The following PPP4R3A variants were observed in gnomAD, a reference collection of about 807,000 sequenced individuals.
The protein encoded by PPP4R3A is protein phosphatase 4 regulatory subunit 3A.
Under a neutral mutation model 91.7 loss-of-function variants are expected in PPP4R3A, and 15 were observed. The ratio of observed to expected loss-of-function variants is 0.16; its 90% CI spans 0.11 to 0.25. The LOEUF is 0.25. Ranked by LOEUF, PPP4R3A falls within the 10% of genes least tolerant of loss-of-function variation. The pLI, the probability that PPP4R3A is intolerant of heterozygous loss-of-function variation, is 1.00. For missense variants in PPP4R3A, 623 were observed against 998.4 expected, an observed-to-expected ratio of 0.62 and a Z score of 5.07; for synonymous variants, 377 against 348.7, an observed-to-expected ratio of 1.08 and a Z score of -0.91.
At chr14:91,500,802 A>G (rs1346449660) in intron 1 of PPP4R3A, among the ~76,000 whole-genome samples, 3 of 152,166 alleles carry the variant, frequency 2.0e-5, no homozygotes, top group African/African-American at 7.2e-5. Flanking sequence ...TGGGTGGATC[A>G]CTGGAGGCCA....
chr14:91,468,963 C>A (rs1338366499), intron 10 of PPP4R3A, among the ~76,000 whole-genome samples: 1 of 151,982 alleles, frequency 6.6e-6, no homozygotes, highest in South Asian at 2.1e-4. Flanking sequence ...TGAACTGATT[C>A]CATTGATGGC....
rs906392775 is a variant in PPP4R3A at position 91,510,037 on chromosome 14, GGCCGCCGCC to G, written c.-399_-391del. 63 of 769,622 alleles carry G rather than the reference GGCCGCCGCC, an allele frequency of 8.2e-5. 1 individual carries two copies. In the East Asian group the frequency reaches 2.2e-3, roughly 26 times the overall value. The allele number at this position is 769,622 out of a possible 1,614,324, so 47.7% of individuals were successfully genotyped here. Reference sequence around the variant, plus strand: ...TTCCCGCGCCGCCGCCGCCTCCTCAGGCCGCCGCCGCCGCCGCCATATTTTCCTTCCTTA... The same window carrying G: ...TTCCCGCGCCGCCGCCGCCTCCTCAGGCCGCCGCCATATTTTCCTTCCTTA... On this transcript the variant is annotated 5_prime_UTR_variant, in exon 1 of 15. Coordinates refer to ENST00000554943, the MANE Select transcript of PPP4R3A (RefSeq NM_001366432.2).
chr14:91,458,550 T>G lies in PPP4R3A; in HGVS notation c.*209A>C, dbSNP rs756493672. ...CAATGTGTGGTCCAAGCTGGAGAGC[T>G]CAAAGGCTTAAGTCTTTCCCCTAAA... is the stretch of plus-strand genomic sequence containing the variant. On this transcript the variant is annotated 3_prime_UTR_variant, in exon 15 of 15. Coordinates refer to ENST00000554943, the MANE Select transcript of PPP4R3A (RefSeq NM_001366432.2). The G allele has an allele frequency of 2.0e-5, 14 of 714,432 alleles. No homozygotes were observed. Among genetic ancestry groups the G allele is most frequent in the Non-Finnish European group, 2.7e-5 (11 of 408,932 alleles). The allele number at this position is 714,432 out of a possible 1,614,324, so 44.3% of individuals were successfully genotyped here. A position where few individuals can be genotyped will look rare whatever the true frequency, so the allele number is the denominator to read the frequency against.
intron 1 of PPP4R3A, among the ~76,000 whole-genome samples, chr14:91,501,001 C>T (rs572359830): frequency 6.6e-6 from 1 of 152,264 alleles, no homozygotes; most frequent in Admixed American, 6.5e-5. Context: ...CACTGCGCTC[C>T]AGCCTGGGTG....
At chr14:91,485,754 G>A (rs1889840118) in intron 2 of PPP4R3A, 24 bp from the exon 3 acceptor site, 6 of 1,503,648 alleles carry the variant, frequency 4.0e-6, no homozygotes, top group Middle Eastern at 3.4e-4. Flanking sequence ...AAAGGAGTCT[G>A]AATGATTAAC....
At chr14:91,500,930 G>C (rs1212032883) in intron 1 of PPP4R3A, among the ~76,000 whole-genome samples, 3 of 152,130 alleles carry the variant, frequency 2.0e-5, no homozygotes, top group African/African-American at 7.2e-5. Context: ...TACTTGGGAA[G>C]CTGAGGCAGG....
intron 1 of PPP4R3A, among the ~76,000 whole-genome samples, chr14:91,492,518 A>C (rs2025066): frequency 0.88 from 133,535 of 152,272 alleles, 58,801 homozygotes; most frequent in East Asian, 0.96. Context: ...TAACCAAGTT[A>C]TGATAACTCA....
intron 1 of PPP4R3A, among the ~76,000 whole-genome samples, chr14:91,502,365 G>A (rs1240177786): frequency 2.0e-5 from 3 of 152,160 alleles, no homozygotes; most frequent in Non-Finnish European, 4.4e-5. Flanking sequence ...GTTTGAGGCT[G>A]CAGTGAGCTA....
intron 11 of PPP4R3A, among the ~76,000 whole-genome samples, 154 bp from the exon 12 acceptor site, chr14:91,463,031 G>A (rs993825969): frequency 3.3e-5 from 5 of 151,498 alleles, no homozygotes; most frequent in East Asian, 1.9e-4. Context: ...TGGGAATAAC[G>A]TACACTGGCT....
chr14:91,463,461 T>C (rs1318634975), intron 11 of PPP4R3A, among the ~76,000 whole-genome samples: 1 of 152,000 alleles, frequency 6.6e-6, no homozygotes, highest in Non-Finnish European at 1.5e-5. Context: ...AGAGATGGGG[T>C]CTCGTTCTGG....
intron 10 of PPP4R3A, among the ~76,000 whole-genome samples, chr14:91,468,852 A>G (rs1480432193): frequency 1.3e-5 from 2 of 151,846 alleles, no homozygotes; most frequent in Non-Finnish European, 2.9e-5. Context: ...CATCTGCCTC[A>G]TTAAATTATA....
intron 14 of PPP4R3A, among the ~76,000 whole-genome samples, chr14:91,459,167 C>T (rs942177180): frequency 1.1e-4 from 16 of 151,930 alleles, no homozygotes; most frequent in African/African-American, 2.9e-4. Context: ...TGCAGTGGTG[C>T]GATCTCGGCT....
intron 4 of PPP4R3A, among the ~76,000 whole-genome samples, chr14:91,479,516 C>CT (rs771387764): frequency 2.8e-4 from 42 of 150,972 alleles, no homozygotes; most frequent in Non-Finnish European, 4.3e-4. Context: ...TATAGGCATG[C>CT]ATCACCATAC....
rs576585322 is a variant in PPP4R3A, at chr14:91,462,943, T to C, written c.1831-66A>G. The C allele has an allele frequency of 6.4e-6, 4 of 625,586 alleles. No individual in the cohort carries two copies. The East Asian group carries it at 1.2e-4, about 18-fold the overall frequency. 38.8% of individuals were successfully genotyped at this position (625,586 alleles called of 1,614,324 possible). ...TCATTTTAGCAAGATGAGGCTTAAT[T>C]TAATCAATTCATACCCACCAAAAAT... On this transcript the variant is annotated intron_variant, in intron 11 of 14. Transcript: ENST00000554943.
chr14:91,465,292 C>A lies in PPP4R3A; in HGVS notation c.1788G>T (p.Leu596=). 6.3e-7 allele frequency: 1 copy of A among 1,599,606 alleles called. No individual in the cohort carries two copies. The highest frequency in any genetic ancestry group is 1.1e-5 in the South Asian group (1 of 87,780). Residue 596 remains leucine (L), a synonymous_variant, in exon 11 of 15, where the codon CTG becomes CTT. Transcript: ENST00000554943. Reference sequence around the variant, plus strand: ...ACATCTCTATTATGGCAGAGTTCATCAGATTGTAGCGGGATCCATTGTTGA... The same window carrying A: ...ACATCTCTATTATGGCAGAGTTCATAAGATTGTAGCGGGATCCATTGTTGA... The part of the protein sequence containing the change: ...AFLNNGSRYN[L]MNSAIIEMFE...
At position 91,476,999 on chromosome 14, in the gene PPP4R3A, G is replaced by C. The variant is rs1453552035; in HGVS notation, c.916-13C>G. 6.3e-7 allele frequency: 1 copy of C among 1,579,990 alleles called. No individual in the cohort carries two copies. Among genetic ancestry groups the C allele is most frequent in the East Asian group, 2.3e-5 (1 of 43,974 alleles). The stretch of plus-strand genomic sequence containing the variant: ...ATTTTTCATCTTCCTGTGAAACAAA[G>C]GACAAATGCAATTATGTTAATGCTA... On this transcript the variant is annotated splice_polypyrimidine_tract_variant and intron_variant, in intron 4 of 14. Transcript: ENST00000554943.
At chr14:91,501,198 A>G (rs1038302880) in intron 1 of PPP4R3A, among the ~76,000 whole-genome samples, 70 of 152,206 alleles carry the variant, frequency 4.6e-4, no homozygotes, top group African/African-American at 1.7e-3. Flanking sequence ...TCAACCAACT[A>G]GACTCAGGTA....
At chr14:91,477,506 T>C (rs1889282195) in intron 4 of PPP4R3A, among the ~76,000 whole-genome samples, 1 of 152,168 alleles carries the variant, frequency 6.6e-6, no homozygotes, top group East Asian at 1.9e-4. Flanking sequence ...AAAAGCAAAA[T>C]TTAGAACTTT....
chr14:91,494,408 G>T (rs1049045451), intron 1 of PPP4R3A, among the ~76,000 whole-genome samples: 20 of 152,146 alleles, frequency 1.3e-4, no homozygotes, highest in African/African-American at 4.6e-4. Context: ...CATATATCTG[G>T]TAAAGGACTT....
Sources: gnomAD v4.1 joint callset for allele counts (sites outside exome capture counted in the v4.1 genomes callset) on GRCh38, gnomAD v4.1.1 for gene constraint, MANE v1.5 for transcripts, NCBI Gene and HGNC (gene_info 2026-07-23, HGNC 2026-07-21) for gene names.